Variants in DNAH6 observed in about 807,000 individuals in gnomAD.
DNAH6 encodes dynein axonemal heavy chain 6.
DNAH6 carries 340 observed loss-of-function variants against 491.4 expected under a neutral mutation model. The observed-to-expected ratio is 0.69, with a 90% confidence interval of 0.63 to 0.76. The LOEUF (loss-of-function observed/expected upper bound fraction) is 0.76, where lower values mean the gene tolerates loss of function less well. DNAH6 is among the 30% of genes least tolerant of loss of function. DNAH6 has a pLI of 0.00. For missense variants in DNAH6, 4,443 were observed against 4,972.2 expected (o/e 0.89, Z 3.20); for synonymous variants, 1,603 against 1,686.1 (o/e 0.95, Z 1.21).
chr2:84,697,818 A>T (rs567190722), intron 47 of DNAH6, 91 bp downstream of exon 47: 4 of 1,380,208 alleles, frequency 2.9e-6, no homozygotes, highest in Non-Finnish European at 4.0e-6. Flanking sequence ...GAAGGGGTCC[A>T]TGAATAAAAT....
At chr2:84,634,183 T>A (rs528630713) in intron 29 of DNAH6, among the ~76,000 whole-genome samples, 3 of 152,292 alleles carry the variant, frequency 2.0e-5, no homozygotes, top group Admixed American at 1.3e-4. Flanking sequence ...AGTTCTTAAG[T>A]TTGTATGTTC....
chr2:84,784,014 A>G (rs1210469575), intron 65 of DNAH6, among the ~76,000 whole-genome samples: 1 of 152,218 alleles, frequency 6.6e-6, no homozygotes, highest in Non-Finnish European at 1.5e-5. Flanking sequence ...GGCCCTAGTG[A>G]GGGAGCCAGC....
chr2:84,718,144 T>C (rs1697730307), intron 58 of DNAH6, 60 bp from the exon 59 acceptor site: 2 of 1,361,198 alleles, frequency 1.5e-6, no homozygotes, highest in Non-Finnish European at 2.0e-6. Context: ...GAAAGAAAAA[T>C]AGAAGCAACT....
intron 12 of DNAH6, among the ~76,000 whole-genome samples, chr2:84,575,950 A>G (rs1400602071): frequency 6.6e-6 from 1 of 152,290 alleles, no homozygotes; most frequent in African/African-American, 2.4e-5. Context: ...CTTTTTGGCT[A>G]TGTGGCCATA....
chr2:84,728,636 T>A (rs879890378), intron 61 of DNAH6, among the ~76,000 whole-genome samples: 27 of 152,194 alleles, frequency 1.8e-4, no homozygotes, highest in Non-Finnish European at 2.9e-4. Context: ...TAGTTTTTTT[T>A]AAAAAACCAT....
chr2:84,734,259 G>C (rs952612472), intron 62 of DNAH6, among the ~76,000 whole-genome samples: 4 of 150,092 alleles, frequency 2.7e-5, no homozygotes, highest in Non-Finnish European at 5.9e-5. Flanking sequence ...TCTGGCCTCA[G>C]CCTCCCTAGT....
At chr2:84,726,780 A>T (rs1021635262) in intron 60 of DNAH6, among the ~76,000 whole-genome samples, 1 of 102,802 alleles carries the variant, frequency 9.7e-6, no homozygotes, top group East Asian at 2.3e-4. Context: ...TAATAATAAT[A>T]AAAAAAATAA....
chr2:84,796,279 A>C, intron 68 of DNAH6, 27 bp from the exon 69 acceptor site: 1 of 1,426,862 alleles, frequency 7.0e-7, no homozygotes, highest in East Asian at 2.6e-5. Flanking sequence ...AAACAGCAAT[A>C]ATTTCAAAAT....
At chr2:84,773,461 C>G (rs957356612) in intron 64 of DNAH6, among the ~76,000 whole-genome samples, 5 of 152,036 alleles carry the variant, frequency 3.3e-5, no homozygotes, top group Admixed American at 6.6e-5. Context: ...ATCCAGTCCA[C>G]CATGATGACA....
the DNAH6 span, among the ~76,000 whole-genome samples, chr2:84,477,184 C>A: frequency 5.6e-4 from 86 of 152,280 alleles, no homozygotes; most frequent in African/African-American, 1.9e-3. Flanking sequence ...ATTGGTAATC[C>A]AACAAAGAAA....
intron 40 of DNAH6, among the ~76,000 whole-genome samples, chr2:84,672,758 T>C (rs1442433215): frequency 4.6e-5 from 7 of 152,204 alleles, no homozygotes; most frequent in Admixed American, 2.6e-4. Context: ...CCTGTCATAC[T>C]GGATTAGGGC....
intron 4 of DNAH6, 115 bp from the exon 5 acceptor site, chr2:84,544,118 A>T: frequency 1.9e-6 from 1 of 533,296 alleles, no homozygotes; most frequent in Non-Finnish European, 3.1e-6. Flanking sequence ...TTTTAACTTT[A>T]AATAATATTT....
intron 65 of DNAH6, among the ~76,000 whole-genome samples, chr2:84,782,948 TA>T (rs909039219): frequency 6.6e-6 from 1 of 152,198 alleles, no homozygotes; most frequent in Admixed American, 6.5e-5. Context: ...CTGGATCGGC[TA>T]ATGAAGCCAG....
In DNAH6 at chr2:84,804,481, G is replaced by A. The variant is rs142617705; in HGVS notation, c.11482-1184G>A. 3.9e-3 allele frequency among the ~76,000 whole-genome samples: 596 copies of A among 152,030 alleles called. 3 individuals carry two copies. Among genetic ancestry groups the A allele is most frequent in the African/African-American group, 0.013 (556 of 41,474 alleles). ...ACAGAAAGTGTCCAAGTTGAAGTAA[G>A]CTATAGTTTATTTAATTAAATATTA... is the stretch of plus-strand genomic sequence containing the variant. On this transcript the variant is annotated intron_variant, in intron 70 of 76. Transcript: ENST00000389394.
intron 3 of DNAH6, among the ~76,000 whole-genome samples, chr2:84,526,328 T>C (rs971158187): frequency 6.6e-6 from 1 of 152,074 alleles, no homozygotes; most frequent in African/African-American, 2.4e-5. Context: ...GAGGATAACT[T>C]TGACAGTCAC....
At position 84,669,557 on chromosome 2, in the gene DNAH6, A is replaced by C. The variant is rs761743668; in HGVS notation, c.6306+47A>C. The stretch of plus-strand genomic sequence containing the variant: ...AGAAGTCCTCTCCAAATGTGAGGGC[A>C]TGATGGACTTAGAATCGTTAGCACC... On this transcript the variant is annotated intron_variant, in intron 38 of 76. Transcript: ENST00000389394. The C allele has an allele frequency of 4.1e-6, 6 of 1,446,014 alleles. No individual in the cohort carries two copies. The South Asian group carries it at 7.3e-5, about 18-fold the overall frequency. The allele number at this position is 1,446,014 out of a possible 1,614,324, so 89.6% of individuals were successfully genotyped here. A position where few individuals can be genotyped will look rare whatever the true frequency, so the allele number is the denominator to read the frequency against.
chr2:84,621,802 C>T (rs1229981511), intron 26 of DNAH6, among the ~76,000 whole-genome samples: 1 of 152,086 alleles, frequency 6.6e-6, no homozygotes, highest in Non-Finnish European at 1.5e-5. Context: ...CAGAACAAAA[C>T]ACCAGGGTTA....
chr2:84,583,641 A>T (rs184814399), intron 14 of DNAH6, among the ~76,000 whole-genome samples: 1 of 152,222 alleles, frequency 6.6e-6, no homozygotes, highest in Non-Finnish European at 1.5e-5. Context: ...TAATTGAATC[A>T]TGGGGGTGGT....
At chr2:84,579,369 T>C (rs1025835312) in intron 13 of DNAH6, among the ~76,000 whole-genome samples, 158 bp from the exon 14 acceptor site, 4 of 152,240 alleles carry the variant, frequency 2.6e-5, no homozygotes, top group African/African-American at 9.6e-5. Context: ...TGTTGGCTCA[T>C]TTAACTAGCA....
Sources: gnomAD v4.1 joint callset for allele counts (sites outside exome capture counted in the v4.1 genomes callset) on GRCh38, gnomAD v4.1.1 for gene constraint, MANE v1.5 for transcripts, NCBI Gene and HGNC (gene_info 2026-07-23, HGNC 2026-07-21) for gene names.